Variants in PDE4D observed in about 807,000 individuals in gnomAD.
The protein encoded by PDE4D is 3',5'-cyclic-AMP phosphodiesterase 4D.
Under a neutral mutation model 87.4 loss-of-function variants are expected in PDE4D, and 24 were observed. The ratio of observed to expected loss-of-function variants is 0.27; its 90% CI spans 0.20 to 0.39. PDE4D has a LOEUF of 0.39. PDE4D is among the 10% of genes least tolerant of loss of function. The pLI is 1.00. For missense variants in PDE4D, 714 were observed against 1,041.0 expected, an observed-to-expected ratio of 0.69 and a Z score of 4.32; for synonymous variants, 384 against 383.2, an observed-to-expected ratio of 1.00 and a Z score of -0.02.
intron 1 of PDE4D, among the ~76,000 whole-genome samples, chr5:60,259,688 G>A (rs981903065): frequency 2.0e-5 from 3 of 151,892 alleles, no homozygotes; most frequent in Non-Finnish European, 4.4e-5. Flanking sequence ...TTCCACTTAT[G>A]GACAGTTTGA....
chr5:59,594,292 TTTTATTTATTTATTTA>T lies in PDE4D; in HGVS notation c.455+298860_455+298875del, dbSNP rs142839056. 1.7e-3 allele frequency among the ~76,000 whole-genome samples: 241 copies of T among 141,026 alleles called. 1 individual carries two copies. The highest frequency in any genetic ancestry group is 3.9e-3 in the Admixed American group (55 of 14,048). The allele number at this position is 141,026 out of a possible 152,430, so 92.5% of individuals were successfully genotyped here. A position where few individuals can be genotyped will look rare whatever the true frequency, so the allele number is the denominator to read the frequency against. ...CACCACCACCCACATAACTTTTTTA[TTTTATTTATTTATTTA>T]TTTATTTATTTATTTATTTATTTAT... On this transcript the variant is annotated intron_variant, in intron 1 of 14. Coordinates refer to ENST00000340635, the MANE Select transcript of PDE4D (RefSeq NM_001104631.2).
At chr5:59,002,385 C>T (rs1239782594) in intron 6 of PDE4D, among the ~76,000 whole-genome samples, 1 of 152,008 alleles carries the variant, frequency 6.6e-6, no homozygotes, top group Admixed American at 6.6e-5. Context: ...GTGTAACCAA[C>T]AAGTGATGGT....
intron 2 of PDE4D, among the ~76,000 whole-genome samples, chr5:60,157,776 C>G (rs545015922): frequency 6.6e-6 from 1 of 152,232 alleles, no homozygotes; most frequent in South Asian, 2.1e-4. Context: ...ATCACTGCTC[C>G]CAACTCAGTT....
intron 3 of PDE4D, among the ~76,000 whole-genome samples, chr5:59,936,679 GC>G (rs1343661018): frequency 6.6e-6 from 1 of 152,114 alleles, no homozygotes; most frequent in Non-Finnish European, 1.5e-5. Flanking sequence ...CATTGCAAAA[GC>G]AGTAGTCACA....
At chr5:59,275,462 T>C in intron 1 of PDE4D, 1 of 1,568,008 alleles carries the variant, frequency 6.4e-7, no homozygotes, top group East Asian at 2.3e-5. Flanking sequence ...ACATTCTAAC[T>C]GTCTTTCTGC....
chr5:59,688,974 A>C (rs1457546323), intron 1 of PDE4D, among the ~76,000 whole-genome samples: 1 of 152,218 alleles, frequency 6.6e-6, no homozygotes, highest in East Asian at 1.9e-4. Flanking sequence ...ATCTAGAAGA[A>C]ATGGATGAAT....
chr5:59,601,411 T>C (rs1486144548), intron 1 of PDE4D, among the ~76,000 whole-genome samples: 6 of 61,270 alleles, frequency 9.8e-5, no homozygotes, highest in African/African-American at 3.4e-4. Flanking sequence ...TGTGTGGTTC[T>C]GGTTTGCTTT....
At chr5:60,193,915 G>A (rs1416340325) in intron 1 of PDE4D, among the ~76,000 whole-genome samples, 3 of 150,902 alleles carry the variant, frequency 2.0e-5, no homozygotes, top group Non-Finnish European at 3.0e-5. Context: ...CTCCTTTCCC[G>A]CTGTCTGAGA....
intron 1 of PDE4D, among the ~76,000 whole-genome samples, chr5:59,701,833 C>T (rs950986416): frequency 6.6e-6 from 1 of 152,152 alleles, no homozygotes; most frequent in African/African-American, 2.4e-5. Context: ...TGAAAAACAG[C>T]TCAATTCCTC....
intron 2 of PDE4D, among the ~76,000 whole-genome samples, chr5:59,208,175 C>T (rs1440543939): frequency 6.6e-6 from 1 of 151,966 alleles, no homozygotes; most frequent in Admixed American, 6.6e-5. Flanking sequence ...TCAAAACAAA[C>T]AAACAAAAGA....
chr5:60,198,407 G>T (rs1490040095), intron 1 of PDE4D, among the ~76,000 whole-genome samples: 8 of 151,566 alleles, frequency 5.3e-5, no homozygotes. Context: ...TTTGGAATCA[G>T]TCATATTCCA....
chr5:59,036,554 T>C (rs1758535246), intron 6 of PDE4D, among the ~76,000 whole-genome samples: 1 of 152,220 alleles, frequency 6.6e-6, no homozygotes, highest in Non-Finnish European at 1.5e-5. Flanking sequence ...TCCAACTCAG[T>C]TTACAGCTTT....
intron 3 of PDE4D, among the ~76,000 whole-genome samples, chr5:59,957,459 G>C (rs75869377): frequency 0.048 from 7,303 of 151,896 alleles, 230 homozygotes; most frequent in Middle Eastern, 0.11. Flanking sequence ...AAAAGAGTTA[G>C]CTTTTCTGGA....
At chr5:59,088,158 A>G (rs1768047421) in intron 5 of PDE4D, among the ~76,000 whole-genome samples, 1 of 152,210 alleles carries the variant, frequency 6.6e-6, no homozygotes, top group African/African-American at 2.4e-5. Flanking sequence ...TTCATTCACT[A>G]ATAACCACTT....
At chr5:59,528,913 C>A (rs1015615161) in intron 1 of PDE4D, 5 of 387,804 alleles carry the variant, frequency 1.3e-5, no homozygotes, top group Non-Finnish European at 2.1e-5. Flanking sequence ...GCCCTTGACC[C>A]TCGACTCAGC....
At chr5:60,362,276 AC>A (rs1211554999) in intron 1 of PDE4D, among the ~76,000 whole-genome samples, 2 of 152,082 alleles carry the variant, frequency 1.3e-5, no homozygotes, top group Non-Finnish European at 2.9e-5. Flanking sequence ...GGCCACAGAA[AC>A]CCATTTGCTT....
chr5:60,415,412 C>G (rs914645786), intron 1 of PDE4D, among the ~76,000 whole-genome samples: 1 of 152,262 alleles, frequency 6.6e-6, no homozygotes, highest in African/African-American at 2.4e-5. Flanking sequence ...TCTCGGCTGG[C>G]CAAGGCCGGA....
intron 5 of PDE4D, among the ~76,000 whole-genome samples, chr5:59,134,343 A>G (rs1022625161): frequency 6.6e-6 from 1 of 151,798 alleles, no homozygotes; most frequent in Non-Finnish European, 1.5e-5. Flanking sequence ...ACAAAGAATA[A>G]CTGATAAAAT....
intron 1 of PDE4D, among the ~76,000 whole-genome samples, chr5:59,711,607 A>AT (rs1754207674): frequency 6.6e-6 from 1 of 152,146 alleles, no homozygotes; most frequent in South Asian, 2.1e-4. Flanking sequence ...TGGATTGTTC[A>AT]TCATTTACTA....
Sources: allele counts gnomAD v4.1 joint callset (sites outside exome capture counted in the v4.1 genomes callset), GRCh38; gene constraint gnomAD v4.1.1; transcripts MANE v1.5; gene names NCBI Gene and HGNC (gene_info 2026-07-23, HGNC 2026-07-21).